CSMD2: variants seen among roughly 807,000 people sequenced by gnomAD.
CSMD2 encodes the protein CUB and sushi domain-containing protein 2.
A neutral mutation model predicts 398.5 loss-of-function variants in CSMD2; 130 were observed. The observed-to-expected ratio is 0.33, with a 90% CI of 0.28 to 0.38. The LOEUF is 0.38. Ranked by LOEUF, CSMD2 falls within the 10% of genes least tolerant of loss-of-function variation. The pLI is 1.00. For missense variants in CSMD2, 3,829 were observed against 4,764.9 expected (o/e 0.80, Z 5.78); for synonymous variants, 1,828 against 1,908.5 (o/e 0.96, Z 1.10).
intron 3 of CSMD2, among the ~76,000 whole-genome samples, chr1:34,001,243 T>C (rs1463308404): frequency 2.6e-5 from 4 of 152,128 alleles, no homozygotes; most frequent in East Asian, 1.9e-4. Flanking sequence ...AACATATCCA[T>C]AGAGAAAAAC....
chr1:33,521,635 A>G (rs1570606043), intron 67 of CSMD2, 85 bp from the exon 68 acceptor site: 2 of 889,392 alleles, frequency 2.2e-6, no homozygotes, highest in Non-Finnish European at 3.8e-6. Flanking sequence ...GCTGCCCAGC[A>G]GGTCACCCAC....
chr1:34,129,655 AAAAT>A (rs1323348976), intron 1 of CSMD2, among the ~76,000 whole-genome samples: 1 of 152,208 alleles, frequency 6.6e-6, no homozygotes, highest in Non-Finnish European at 1.5e-5. Flanking sequence ...CTGTCTCAAA[AAAAT>A]AAATAAATAA....
At chr1:33,848,369 C>G (rs1212373293) in intron 5 of CSMD2, among the ~76,000 whole-genome samples, 1 of 152,214 alleles carries the variant, frequency 6.6e-6, no homozygotes, top group Non-Finnish European at 1.5e-5. Flanking sequence ...CAAGAGGAGG[C>G]AAAGAATGAA....
chr1:33,772,583 T>C lies in CSMD2; in HGVS notation c.1832A>G (p.Lys611Arg). The change falls in exon 13 of 71, where the codon AAG (lysine) becomes AGG (arginine). Residue 611 changes from lysine (K) to arginine (R), a missense_variant. Physicochemically the swap from Lys to Arg is conservative, Grantham distance 26. Coordinates refer to ENST00000373381, the MANE Select transcript of CSMD2 (RefSeq NM_001281956.2). ...CQKNNQWSAKKPGCVFSCFFN... is the reference protein window; with the variant it reads ...CQKNNQWSAKRPGCVFSCFFN... ...TGCTCACTTACACACGCAGCCTGGCTTCTTAGCCGACCATTGGTTATTCTT... is the reference window on the plus strand; with the variant it reads ...TGCTCACTTACACACGCAGCCTGGCCTCTTAGCCGACCATTGGTTATTCTT... 1 of 1,613,718 alleles carries C rather than the reference T, an allele frequency of 6.2e-7. No homozygotes were observed. The highest frequency in any genetic ancestry group is 1.1e-5 in the South Asian group (1 of 91,050).
At chr1:34,063,398 A>G (rs770991849) in intron 2 of CSMD2, among the ~76,000 whole-genome samples, 1 of 152,248 alleles carries the variant, frequency 6.6e-6, no homozygotes, top group Non-Finnish European at 1.5e-5. Context: ...TCCTAGCTAC[A>G]TGGCGGTACA....
chr1:33,662,836 G>A (rs1644181569), intron 26 of CSMD2, 54 bp downstream of exon 26: 2 of 1,484,610 alleles, frequency 1.3e-6, no homozygotes. Flanking sequence ...AGAGGAAGGT[G>A]GGTGCCATGT....
chr1:33,625,015 C>T lies in CSMD2; in HGVS notation c.5500+36G>A, dbSNP rs780988258. On this transcript the variant is annotated intron_variant, in intron 34 of 70. Coordinates refer to ENST00000373381, the MANE Select transcript of CSMD2 (RefSeq NM_001281956.2). Reference sequence around the variant, plus strand: ...TACAGAGAAAGGACTACGTGCCGCCCCCCGCACCCTCAACGCCCGGGTCCT... The same window carrying T: ...TACAGAGAAAGGACTACGTGCCGCCTCCCGCACCCTCAACGCCCGGGTCCT... 21 of 1,602,296 alleles carry T rather than the reference C, an allele frequency of 1.3e-5. No homozygotes were observed. The East Asian group carries it at 4.5e-4, about 34-fold the overall frequency.
intron 5 of CSMD2, among the ~76,000 whole-genome samples, chr1:33,905,278 G>A (rs1049837325): frequency 6.6e-6 from 1 of 152,152 alleles, no homozygotes; most frequent in Non-Finnish European, 1.5e-5. Flanking sequence ...GACCCTCTGG[G>A]TAGTCCAAGC....
At chr1:33,811,368 C>T (rs74067906) in intron 9 of CSMD2, among the ~76,000 whole-genome samples, 4,212 of 152,212 alleles carry the variant, frequency 0.028, 115 homozygotes, top group African/African-American at 0.066. Context: ...CAGGTTCTGC[C>T]TGCCCCTCAG....
chr1:33,758,607 C>A (rs1489080082), intron 13 of CSMD2, among the ~76,000 whole-genome samples: 1 of 152,196 alleles, frequency 6.6e-6, no homozygotes, highest in East Asian at 1.9e-4. Flanking sequence ...GCCAGATAAT[C>A]AACAAATAAA....
intron 3 of CSMD2, among the ~76,000 whole-genome samples, chr1:33,950,566 G>A (rs1644977628): frequency 6.6e-6 from 1 of 151,430 alleles, no homozygotes; most frequent in South Asian, 2.1e-4. Context: ...ATTCAGGTAG[G>A]AGAGCCTGTT....
At chr1:33,951,939 C>T (rs927191055) in intron 3 of CSMD2, among the ~76,000 whole-genome samples, 7 of 152,330 alleles carry the variant, frequency 4.6e-5, no homozygotes, top group African/African-American at 1.7e-4. Flanking sequence ...TTTTCATCAT[C>T]TGGCAAATCC....
chr1:34,153,611 CT>C (rs1640531979), intron 1 of CSMD2, among the ~76,000 whole-genome samples: 1 of 152,228 alleles, frequency 6.6e-6, no homozygotes, highest in Admixed American at 6.5e-5. Flanking sequence ...CAATAACTGC[CT>C]GCTGAAGGAG....
At chr1:33,713,790 T>C (rs916838844) in intron 21 of CSMD2, among the ~76,000 whole-genome samples, 2 of 152,154 alleles carry the variant, frequency 1.3e-5, no homozygotes, top group Non-Finnish European at 2.9e-5. Context: ...TTCTCCCAGA[T>C]ATCTATCTCT....
chr1:33,970,939 C>T (rs139761930), intron 3 of CSMD2, among the ~76,000 whole-genome samples: 56 of 152,320 alleles, frequency 3.7e-4, no homozygotes, highest in African/African-American at 1.3e-3. Context: ...TCAGTTTCCT[C>T]ATCAGTAAAA....
chr1:33,765,827 G>T (rs562528189), intron 13 of CSMD2, among the ~76,000 whole-genome samples: 1 of 152,176 alleles, frequency 6.6e-6, no homozygotes, highest in African/African-American at 2.4e-5. Context: ...AATTGGGAAA[G>T]AATACCAACA....
chr1:34,074,566 G>C (rs912720612), intron 2 of CSMD2, among the ~76,000 whole-genome samples: 1 of 152,180 alleles, frequency 6.6e-6, no homozygotes, highest in Admixed American at 6.5e-5. Context: ...TTCCTCCAGA[G>C]AGCATTGATT....
intron 6 of CSMD2, 91 bp from the exon 7 acceptor site, chr1:33,825,865 G>A: frequency 1.9e-6 from 2 of 1,063,966 alleles, no homozygotes; most frequent in South Asian, 1.4e-5. Flanking sequence ...TTGTGCCTTG[G>A]AACATTCCAT....
At chr1:33,632,607 G>A (rs1032420005) in intron 32 of CSMD2, among the ~76,000 whole-genome samples, 4 of 151,930 alleles carry the variant, frequency 2.6e-5, no homozygotes, top group Non-Finnish European at 5.9e-5. Context: ...TAATTACCTG[G>A]TTTTTGTGAG....
Sources: allele counts gnomAD v4.1 joint callset (sites outside exome capture counted in the v4.1 genomes callset), GRCh38; gene constraint gnomAD v4.1.1; transcripts MANE v1.5; gene names NCBI Gene and HGNC (gene_info 2026-07-23, HGNC 2026-07-21).